Variants in TNRC6C observed in about 807,000 individuals in gnomAD.
TNRC6C encodes trinucleotide repeat containing adaptor 6C.
A neutral mutation model predicts 153.7 loss-of-function variants in TNRC6C; 20 were observed. The ratio of observed to expected loss-of-function variants is 0.13; its 90% CI spans 0.09 to 0.19. TNRC6C has a LOEUF of 0.19. Among genes scored for constraint, TNRC6C ranks in the 10% least tolerant of loss-of-function variants. The probability of loss-of-function intolerance (pLI) is 1.00; values close to 1 mark genes in which losing one functional copy is unlikely to be tolerated. For synonymous variants in TNRC6C, 811 were observed against 841.4 expected (o/e 0.96, Z 0.63); for missense variants, 1,987 against 2,172.0 (o/e 0.91, Z 1.69).
intron 3 of TNRC6C, among the ~76,000 whole-genome samples, chr17:78,052,847 C>T (rs2144030294): frequency 6.6e-6 from 1 of 152,302 alleles, no homozygotes; most frequent in South Asian, 2.1e-4. Flanking sequence ...GCATCAGTGT[C>T]ACTAAACCAG....
At chr17:78,106,758 T>C (rs1301545481) in exon 20 of TNRC6C, 1 of 151,874 alleles carries the variant, frequency 6.6e-6, no homozygotes, top group Non-Finnish European at 1.5e-5. Flanking sequence ...TGGAATAACA[T>C]ACCTTCAAGT....
chr17:78,018,082 A>C (rs1004176247), intron 1 of TNRC6C, among the ~76,000 whole-genome samples: 1 of 152,248 alleles, frequency 6.6e-6, no homozygotes, highest in South Asian at 2.1e-4. Flanking sequence ...AAAGACAGGA[A>C]CCATATGTGT....
intron 1 of TNRC6C, among the ~76,000 whole-genome samples, chr17:78,012,499 G>C (rs974192564): frequency 1.3e-5 from 2 of 152,032 alleles, no homozygotes; most frequent in Non-Finnish European, 2.9e-5. Flanking sequence ...TAAAATAAAG[G>C]CTTTTTTAAA....
chr17:78,031,387 C>A, intron 1 of TNRC6C, 129 bp from the exon 4 acceptor site: 1 of 635,294 alleles, frequency 1.6e-6, no homozygotes, highest in Non-Finnish European at 2.3e-6. Context: ...AGACTTTAGT[C>A]CAGTTCTGTT....
At chr17:78,040,959 G>C (rs1452419733) in intron 2 of TNRC6C, 1 of 152,142 alleles carries the variant, frequency 6.6e-6, no homozygotes, top group Non-Finnish European at 1.5e-5. Context: ...GGCCCCGGGA[G>C]CTTCCTGGCA....
chr17:77,995,721 TACACAC>T, intron 1 of TNRC6C, among the ~76,000 whole-genome samples: 1 of 151,000 alleles, frequency 6.6e-6, no homozygotes, highest in East Asian at 1.9e-4. Flanking sequence ...ACATTTAAAG[TACACAC>T]ACACACACAC....
Position 78,104,392 on chromosome 17 carries a change from T to C in TNRC6C, c.4713-93T>C, listed in dbSNP as rs983288467. 3 of 1,402,004 alleles carry C rather than the reference T, an allele frequency of 2.1e-6. No homozygotes were observed. Among genetic ancestry groups the C allele is most frequent in the African/African-American group, 1.5e-5 (1 of 66,272 alleles). The allele number at this position is 1,402,004 out of a possible 1,614,324, so 86.8% of individuals were successfully genotyped here. A position where few individuals can be genotyped will look rare whatever the true frequency, so the allele number is the denominator to read the frequency against. On this transcript the variant is annotated intron_variant, in intron 19 of 19. Transcript: ENST00000301624. This position sits in a 1 kb window ranked among gnomAD's most constrained non-coding sequence, Gnocchi z 6.2. ...AACAGAAGCCACAGGATGGCTTCCA[T>C]GTGGGGCCGTTCCCAATACAGAGAA...
chr17:78,086,531 A>C (rs1328097527), exon 12 of TNRC6C: 1 of 1,613,856 alleles, frequency 6.2e-7, no homozygotes, highest in African/African-American at 1.3e-5. Context: ...ATCCAGCAGC[A>C]GATGTTACAG....
chr17:78,024,964 T>C (rs914104678), intron 1 of TNRC6C, among the ~76,000 whole-genome samples: 1 of 151,592 alleles, frequency 6.6e-6, no homozygotes, highest in East Asian at 1.9e-4. Flanking sequence ...CAGCTAATTT[T>C]TGTATTTTTA....
chr17:78,091,812 A>G (rs191189338), intron 14 of TNRC6C, among the ~76,000 whole-genome samples: 1 of 152,352 alleles, frequency 6.6e-6, no homozygotes, highest in East Asian at 1.9e-4. Flanking sequence ...GATCTTAGCT[A>G]CAAACTTAGA....
chr17:77,998,219 C>G (rs1396879128), intron 1 of TNRC6C, among the ~76,000 whole-genome samples: 1 of 152,050 alleles, frequency 6.6e-6, no homozygotes, highest in African/African-American at 2.4e-5. Flanking sequence ...TACAATTTTG[C>G]CTTTTCAAGA....
chr17:78,067,687 A>G lies in TNRC6C; in HGVS notation c.2612-70A>G. On this transcript the variant is annotated intron_variant, in intron 4 of 19. Transcript: ENST00000301624. ...ATTTGTCCCACGACCCCTAAATTAT[A>G]TGTTACAGTGGAAGCATTGTCTGCG... The G allele has an allele frequency of 6.1e-6, 9 of 1,463,848 alleles. No homozygotes were observed. The South Asian group carries it at 8.8e-5, about 14-fold the overall frequency. 90.7% of individuals were successfully genotyped at this position (1,463,848 alleles called of 1,614,324 possible).
At chr17:78,029,083 T>C (rs2072005197) in intron 1 of TNRC6C, among the ~76,000 whole-genome samples, 2 of 152,240 alleles carry the variant, frequency 1.3e-5, no homozygotes, top group South Asian at 4.1e-4. Flanking sequence ...TGCAACTTAC[T>C]CTAATATGAT....
At chr17:77,980,514 G>C (rs1385603133) in intron 1 of TNRC6C, among the ~76,000 whole-genome samples, 3 of 152,322 alleles carry the variant, frequency 2.0e-5, no homozygotes, top group Non-Finnish European at 2.9e-5. Context: ...GAGCAAATGT[G>C]TGAGGGTTTC....
chr17:78,101,611 A>G (rs1342611445), intron 17 of TNRC6C, among the ~76,000 whole-genome samples: 1 of 152,124 alleles, frequency 6.6e-6, no homozygotes, highest in Non-Finnish European at 1.5e-5. Flanking sequence ...AGAGCCCTAA[A>G]CAGAGATTTA....
chr17:77,959,817 C>G (rs763852884), intron 1 of TNRC6C, among the ~76,000 whole-genome samples: 1 of 152,164 alleles, frequency 6.6e-6, no homozygotes, highest in Non-Finnish European at 1.5e-5. Context: ...CAACATCTGT[C>G]CTGTTATCAG....
At chr17:78,081,633 A>C (rs546538277) in intron 10 of TNRC6C, among the ~76,000 whole-genome samples, 2 of 152,188 alleles carry the variant, frequency 1.3e-5, no homozygotes, top group Admixed American at 6.5e-5. Flanking sequence ...TGCCATAGCC[A>C]CTTCCCAGGA....
chr17:78,090,821 C>T (rs1168181112), intron 13 of TNRC6C, among the ~76,000 whole-genome samples: 2 of 152,198 alleles, frequency 1.3e-5, no homozygotes, highest in Admixed American at 1.3e-4. Context: ...AATTCACAGA[C>T]TCTTTCAGAG....
intron 2 of TNRC6C, among the ~76,000 whole-genome samples, chr17:78,037,347 A>G (rs544999362): frequency 6.6e-6 from 1 of 152,354 alleles, no homozygotes; most frequent in East Asian, 1.9e-4. Flanking sequence ...CAAACATCAC[A>G]TACCCTGCAC....
Sources: allele counts gnomAD v4.1 joint callset (sites outside exome capture counted in the v4.1 genomes callset), GRCh38; gene constraint gnomAD v4.1.1; non-coding constraint Gnocchi (gnomAD v3.1); transcripts MANE v1.5; gene names NCBI Gene and HGNC (gene_info 2026-07-23, HGNC 2026-07-21).